Variants in NKAIN3 observed in about 807,000 individuals in gnomAD.
NKAIN3 encodes sodium/potassium-transporting ATPase subunit beta-1-interacting protein 3.
A neutral mutation model predicts 30.2 loss-of-function variants in NKAIN3; 25 were observed. The observed-to-expected ratio is 0.83, with a 90% confidence interval of 0.60 to 1.16. The LOEUF is 1.16. Ranked by LOEUF, NKAIN3 falls within the 50% of genes most tolerant of loss-of-function variation. NKAIN3 has a pLI of 0.00. For missense variants in NKAIN3, 225 were observed against 254.1 expected, an observed-to-expected ratio of 0.89 and a Z score of 0.78; for synonymous variants, 91 against 89.6, an observed-to-expected ratio of 1.02 and a Z score of -0.09.
At chr8:62,916,840 G>T (rs60438355) in intron 4 of NKAIN3, among the ~76,000 whole-genome samples, 2,005 of 152,196 alleles carry the variant, frequency 0.013, 48 homozygotes, top group African/African-American at 0.046. Flanking sequence ...AGCATGACGG[G>T]TTCCATTGTA....
chr8:62,622,715 G>T (rs1272475031), intron 3 of NKAIN3, among the ~76,000 whole-genome samples: 1 of 151,862 alleles, frequency 6.6e-6, no homozygotes, highest in Non-Finnish European at 1.5e-5. Flanking sequence ...TTCTCCCAGT[G>T]TGTAGCTTGT....
At chr8:62,601,224 C>T (rs914231876) in intron 3 of NKAIN3, among the ~76,000 whole-genome samples, 8 of 151,956 alleles carry the variant, frequency 5.3e-5, no homozygotes, top group Admixed American at 1.3e-4. Context: ...ATACAACCTA[C>T]TGAATCTAGT....
At chr8:62,591,950 A>G (rs1202637326) in intron 3 of NKAIN3, among the ~76,000 whole-genome samples, 1 of 152,040 alleles carries the variant, frequency 6.6e-6, no homozygotes, top group Non-Finnish European at 1.5e-5. Flanking sequence ...GTTGGTTTAT[A>G]TACTAACTTT....
chr8:62,590,072 T>C (rs1810606746), intron 3 of NKAIN3, among the ~76,000 whole-genome samples: 1 of 151,688 alleles, frequency 6.6e-6, no homozygotes, highest in Non-Finnish European at 1.5e-5. Flanking sequence ...TATCCTCATG[T>C]CCATTTTAAA....
intron 1 of NKAIN3, among the ~76,000 whole-genome samples, chr8:62,304,801 C>G (rs1814170802): frequency 2.2e-5 from 2 of 91,640 alleles, no homozygotes; most frequent in Admixed American, 2.1e-4. Flanking sequence ...TGGTTGTGTC[C>G]TTGGTGTGTG....
chr8:62,824,559 T>C (rs1382372543), intron 4 of NKAIN3, among the ~76,000 whole-genome samples: 1 of 151,590 alleles, frequency 6.6e-6, no homozygotes, highest in Non-Finnish European at 1.5e-5. Flanking sequence ...CTAAAAATGA[T>C]AGACACAACA....
intron 3 of NKAIN3, among the ~76,000 whole-genome samples, chr8:62,725,369 T>C (rs765037647): frequency 6.6e-5 from 10 of 152,162 alleles, no homozygotes; most frequent in Non-Finnish European, 1.5e-4. Context: ...AGAAGCTTTT[T>C]AATTTGATAT....
intron 3 of NKAIN3, among the ~76,000 whole-genome samples, chr8:62,656,166 AT>A (rs1288457673): frequency 5.3e-5 from 8 of 152,162 alleles, no homozygotes; most frequent in Admixed American, 2.0e-4. Flanking sequence ...TTTTGCTGCC[AT>A]TTTGTGCCAT....
intron 1 of NKAIN3, among the ~76,000 whole-genome samples, chr8:62,479,500 A>T (rs1806638578): frequency 6.6e-6 from 1 of 152,316 alleles, no homozygotes; most frequent in African/African-American, 2.4e-5. Flanking sequence ...GTCATGGCTA[A>T]GACTGCCCAG....
At chr8:62,896,285 G>A (rs1219336371) in intron 4 of NKAIN3, among the ~76,000 whole-genome samples, 3 of 151,980 alleles carry the variant, frequency 2.0e-5, no homozygotes, top group Non-Finnish European at 4.4e-5. Flanking sequence ...TCTCATCATG[G>A]GGGCTCCACC....
At chr8:62,317,313 CA>C (rs1814675213) in intron 1 of NKAIN3, among the ~76,000 whole-genome samples, 1 of 152,126 alleles carries the variant, frequency 6.6e-6, no homozygotes, top group African/African-American at 2.4e-5. Context: ...CTTTTGTTGC[CA>C]TTGCTTTTGA....
rs59854103 is a variant in NKAIN3, at chr8:62,932,995, AACAC to A, written c.532+14513_532+14516del. 2.6e-3 allele frequency among the ~76,000 whole-genome samples: 369 copies of A among 141,876 alleles called. 4 individuals carry two copies. The highest frequency in any genetic ancestry group is 7.4e-3 in the African/African-American group (277 of 37,194). The allele number at this position is 141,876 out of a possible 152,430, so 93.1% of individuals were successfully genotyped here. A position where few individuals can be genotyped will look rare whatever the true frequency, so the allele number is the denominator to read the frequency against. The stretch of plus-strand genomic sequence containing the variant: ...TAACTACCCCAAGCCTCACTCAATG[AACAC>A]ACACACACACACACACACACACACA... On this transcript the variant is annotated intron_variant, in intron 5 of 6. Coordinates refer to ENST00000623646, the MANE Select transcript of NKAIN3 (RefSeq NM_001304533.3).
chr8:62,449,200 T>C (rs538347810), intron 1 of NKAIN3, among the ~76,000 whole-genome samples: 1 of 152,134 alleles, frequency 6.6e-6, no homozygotes, highest in South Asian at 2.1e-4. Flanking sequence ...TGGTTTCCAG[T>C]ATTTTCCACG....
At chr8:62,926,756 G>T (rs1057200906) in intron 5 of NKAIN3, among the ~76,000 whole-genome samples, 1 of 152,176 alleles carries the variant, frequency 6.6e-6, no homozygotes. Context: ...CAGTGGGAAT[G>T]ATTTCCTCAA....
chr8:62,897,487 C>T (rs1821464745), intron 4 of NKAIN3, among the ~76,000 whole-genome samples: 2 of 151,876 alleles, frequency 1.3e-5, no homozygotes, highest in East Asian at 1.9e-4. Flanking sequence ...CTAAAGAGTC[C>T]CAATGGGGAC....
intron 4 of NKAIN3, among the ~76,000 whole-genome samples, chr8:62,912,765 C>A (rs572556904): frequency 6.6e-6 from 1 of 152,090 alleles, no homozygotes; most frequent in South Asian, 2.1e-4. Context: ...CACAATTCGC[C>A]AGGCATGGTG....
chr8:62,270,033 A>G (rs1271772179), intron 1 of NKAIN3, among the ~76,000 whole-genome samples: 1 of 151,972 alleles, frequency 6.6e-6, no homozygotes, highest in East Asian at 1.9e-4. Flanking sequence ...GGTCCTTATT[A>G]TTATTATTAT....
intron 4 of NKAIN3, among the ~76,000 whole-genome samples, chr8:62,864,341 A>G (rs961310236): frequency 2.7e-4 from 40 of 150,396 alleles, no homozygotes; most frequent in Non-Finnish European, 1.8e-4. Context: ...AAAGAAGATG[A>G]TGTAGATCAG....
chr8:62,390,420 C>T (rs1207514770), intron 1 of NKAIN3, among the ~76,000 whole-genome samples: 2 of 152,252 alleles, frequency 1.3e-5, no homozygotes, highest in Middle Eastern at 3.4e-3. Context: ...TGTATATGTA[C>T]AACATTTTCT....
Sources: gnomAD v4.1 joint callset for allele counts (sites outside exome capture counted in the v4.1 genomes callset) on GRCh38, gnomAD v4.1.1 for gene constraint, MANE v1.5 for transcripts, NCBI Gene and HGNC (gene_info 2026-07-23, HGNC 2026-07-21) for gene names.